SEPTIN9: variants seen among roughly 807,000 people sequenced by gnomAD.
SEPTIN9 encodes septin-9.
A neutral mutation model predicts 56.6 loss-of-function variants in SEPTIN9; 13 were observed. The ratio of observed to expected loss-of-function variants is 0.23; its 90% CI spans 0.15 to 0.37. SEPTIN9 has a LOEUF of 0.37. Among genes scored for constraint, SEPTIN9 ranks in the 10% least tolerant of loss-of-function variants. The pLI, the probability that SEPTIN9 is intolerant of heterozygous loss-of-function variation, is 1.00. For synonymous variants in SEPTIN9, 332 were observed against 334.1 expected, an observed-to-expected ratio of 0.99 and a Z score of 0.07; for missense variants, 650 against 823.1, an observed-to-expected ratio of 0.79 and a Z score of 2.57.
chr17:77,416,753 A>G (rs1191093236), intron 3 of SEPTIN9, among the ~76,000 whole-genome samples: 1 of 152,108 alleles, frequency 6.6e-6, no homozygotes, highest in East Asian at 1.9e-4. Flanking sequence ...CGCCCACTCA[A>G]CGCTGGAACT....
At chr17:77,467,929 C>T (rs899186803) in intron 3 of SEPTIN9, among the ~76,000 whole-genome samples, 1 of 152,096 alleles carries the variant, frequency 6.6e-6, no homozygotes, top group Non-Finnish European at 1.5e-5. Flanking sequence ...GTAGTGAATG[C>T]GACAGACCCC....
In SEPTIN9 at chr17:77,492,411, C is replaced by T. The variant is rs557012345; in HGVS notation, c.1381-210C>T. On this transcript the variant is annotated intron_variant, in intron 8 of 11. Coordinates refer to ENST00000427177, the MANE Select transcript of SEPTIN9 (RefSeq NM_001113491.2). This position sits in a 1 kb window ranked among gnomAD's most constrained non-coding sequence, Gnocchi z 5.4. Reference sequence around the variant, plus strand: ...ACCTTAAGCCCCTGGGGAGTTGCAGCGTCGCTCAGGACAGCAGGTGCACCT... The same window carrying T: ...ACCTTAAGCCCCTGGGGAGTTGCAGTGTCGCTCAGGACAGCAGGTGCACCT... Among the ~76,000 whole-genome samples, 85 of 152,156 alleles carry T rather than the reference C, an allele frequency of 5.6e-4. No homozygotes were observed. Among genetic ancestry groups the T allele is most frequent in the Middle Eastern group, 6.8e-3 (2 of 294 alleles).
chr17:77,350,267 C>T (rs1008046805), intron 2 of SEPTIN9, among the ~76,000 whole-genome samples: 43 of 152,200 alleles, frequency 2.8e-4, no homozygotes, highest in Non-Finnish European at 1.9e-4. Flanking sequence ...AGCCCTCCTT[C>T]CTGTGCAGCC....
At chr17:77,300,967 C>T (rs2032025336) in intron 1 of SEPTIN9, among the ~76,000 whole-genome samples, 1 of 129,854 alleles carries the variant, frequency 7.7e-6, no homozygotes, top group Admixed American at 8.1e-5. Flanking sequence ...AGGCTCAAAG[C>T]ATCCCCACCC....
At chr17:77,347,392 A>G (rs933477356) in intron 2 of SEPTIN9, among the ~76,000 whole-genome samples, 5 of 151,938 alleles carry the variant, frequency 3.3e-5, no homozygotes, top group African/African-American at 1.2e-4. Context: ...AAAAAAAAAA[A>G]AGAGTCTCCA....
Position 77,451,108 on chromosome 17 carries a change from G to A in SEPTIN9, c.722-31036G>A, listed in dbSNP as rs1281405354. ...GGGCACCGCCTCTGGCAAGCACAGG[G>A]ACAAGGGCAAGGACGGCATGGCCAG... is the stretch of plus-strand genomic sequence containing the variant. On this transcript the variant is annotated intron_variant, in intron 3 of 11. Coordinates refer to ENST00000427177, the MANE Select transcript of SEPTIN9 (RefSeq NM_001113491.2). This position sits in a 1 kb window ranked among gnomAD's most constrained non-coding sequence, Gnocchi z 4.2. The A allele has an allele frequency of 6.4e-6, 1 of 155,694 alleles. No homozygotes were observed. Among genetic ancestry groups the A allele is most frequent in the Non-Finnish European group, 1.4e-5 (1 of 71,230 alleles). The allele number at this position is 155,694 out of a possible 1,614,324, so 9.6% of individuals were successfully genotyped here. A position where few individuals can be genotyped will look rare whatever the true frequency, so the allele number is the denominator to read the frequency against.
At chr17:77,286,511 C>T (rs1034904879) in intron 1 of SEPTIN9, 16 of 152,414 alleles carry the variant, frequency 1.0e-4, no homozygotes, top group African/African-American at 3.9e-4. Context: ...ACATGGGAGC[C>T]AACCCTCTGC....
chr17:77,355,673 C>G (rs1190959430), intron 2 of SEPTIN9, among the ~76,000 whole-genome samples: 1 of 152,096 alleles, frequency 6.6e-6, no homozygotes, highest in Non-Finnish European at 1.5e-5. Flanking sequence ...CTGAGCAACC[C>G]TCCGCAGAGG....
Position 77,429,622 on chromosome 17 carries a change from G to T in SEPTIN9, c.721+26919G>T, listed in dbSNP as rs2037052568. 6.6e-6 allele frequency among the ~76,000 whole-genome samples: 1 copy of T among 152,194 alleles called. No individual in the cohort carries two copies. The highest frequency in any genetic ancestry group is 1.5e-5 in the Non-Finnish European group (1 of 68,038). ...GGAGGAAGAAGGGCTTAGGGTGCTG[G>T]TGTGGAGTTTGCACAGATGGGGATA... is the stretch of plus-strand genomic sequence containing the variant. On this transcript the variant is annotated intron_variant, in intron 3 of 11. Transcript: ENST00000427177. This position sits in a 1 kb window ranked among gnomAD's most constrained non-coding sequence, Gnocchi z 5.2.
At chr17:77,316,851 C>T (rs1040288597) in intron 2 of SEPTIN9, among the ~76,000 whole-genome samples, 4 of 152,134 alleles carry the variant, frequency 2.6e-5, no homozygotes, top group Non-Finnish European at 5.9e-5. Flanking sequence ...AGATTACAGG[C>T]ACGTGCCACC....
rs140228800 is a variant in SEPTIN9, at chr17:77,443,793, G to A, written c.722-38351G>A. Among the ~76,000 whole-genome samples the A allele has an allele frequency of 2.4e-3, 367 of 151,582 alleles. 2 individuals are homozygous for A. Among genetic ancestry groups the A allele is most frequent in the African/African-American group, 8.2e-3 (340 of 41,306 alleles). The stretch of plus-strand genomic sequence containing the variant: ...AGCCTGGGCAACAGAGCCAGACTCC[G>A]TCTCAAAAAAAAAGAAAAAAAAGAA... On this transcript the variant is annotated intron_variant, in intron 3 of 11. Coordinates refer to ENST00000427177, the MANE Select transcript of SEPTIN9 (RefSeq NM_001113491.2).
Position 77,411,775 on chromosome 17 carries a change from T to C in SEPTIN9, c.721+9072T>C, listed in dbSNP as rs1027737560. On this transcript the variant is annotated intron_variant, in intron 3 of 11. Transcript: ENST00000427177. ...CAACAGATGTTCTCGCACTTGTACA[T>C]GTGCACACATGACTGAAGGATGAGC... Among the ~76,000 whole-genome samples the C allele has an allele frequency of 2.0e-5, 3 of 152,206 alleles. 1 individual carries two copies. Among genetic ancestry groups the C allele is most frequent in the Admixed American group, 6.5e-5 (1 of 15,272 alleles).
rs574360726 is a variant in SEPTIN9 at position 77,442,506 on chromosome 17, T to TAA, written c.722-39617_722-39616dup. Among the ~76,000 whole-genome samples the TAA allele has an allele frequency of 8.5e-3, 780 of 91,290 alleles. 7 individuals carry two copies. The highest frequency in any genetic ancestry group is 0.012 in the Non-Finnish European group (531 of 45,736). The allele number at this position is 91,290 out of a possible 152,430, so 59.9% of individuals were successfully genotyped here. A position where few individuals can be genotyped will look rare whatever the true frequency, so the allele number is the denominator to read the frequency against. On this transcript the variant is annotated intron_variant, in intron 3 of 11. Transcript: ENST00000427177. ...GCCACTGCACCCAGCCAACTAGTCT[T>TAA]AAAAAAAAAAAAAAAAAAAAAAGAA...
At chr17:77,463,356 T>C (rs1330879613) in intron 3 of SEPTIN9, among the ~76,000 whole-genome samples, 1 of 152,152 alleles carries the variant, frequency 6.6e-6, no homozygotes, top group Non-Finnish European at 1.5e-5. Context: ...ATTGCACCCT[T>C]TTCCTGTTTG....
intron 3 of SEPTIN9, among the ~76,000 whole-genome samples, chr17:77,411,103 C>T (rs544010705): frequency 7.4e-5 from 11 of 148,084 alleles, no homozygotes; most frequent in Admixed American, 2.0e-4. Context: ...AAAAAAAAAG[C>T]GATGCCCAGT....
At chr17:77,337,408 T>C (rs570109684) in intron 2 of SEPTIN9, among the ~76,000 whole-genome samples, 1 of 152,274 alleles carries the variant, frequency 6.6e-6, no homozygotes, top group South Asian at 2.1e-4. Flanking sequence ...ATTTGCCCAG[T>C]TTTTAAGGAT....
rs150085343 is a variant in SEPTIN9, at chr17:77,406,866, T to A, written c.721+4163T>A. Among the ~76,000 whole-genome samples, 1,185 of 152,124 alleles carry A rather than the reference T, an allele frequency of 7.8e-3. 7 individuals carry two copies. The highest frequency in any genetic ancestry group is 0.011 in the Non-Finnish European group (753 of 67,986). On this transcript the variant is annotated intron_variant, in intron 3 of 11. Coordinates refer to ENST00000427177, the MANE Select transcript of SEPTIN9 (RefSeq NM_001113491.2). ...TTGTATTTTTAGTAGAGACGGGGTT[T>A]CACCATATAGGCCAGGCTGGTCTCG...
intron 3 of SEPTIN9, among the ~76,000 whole-genome samples, chr17:77,464,583 A>G (rs538974704): frequency 6.6e-5 from 10 of 152,020 alleles, no homozygotes; most frequent in Admixed American, 2.0e-4. Context: ...CCCATAGCCC[A>G]GTCCAGTTGA....
rs756902628 is a variant in SEPTIN9, at chr17:77,369,633, A to C, written c.77-32426A>C. Among the ~76,000 whole-genome samples, 2 of 152,184 alleles carry C rather than the reference A, an allele frequency of 1.3e-5. No homozygotes were observed. The highest frequency in any genetic ancestry group is 2.9e-5 in the Non-Finnish European group (2 of 68,030). On this transcript the variant is annotated intron_variant, in intron 2 of 11. Coordinates refer to ENST00000427177, the MANE Select transcript of SEPTIN9 (RefSeq NM_001113491.2). The surrounding 1 kb of genome is among the most constrained non-coding windows in gnomAD (Gnocchi z 4.9). ...CTACTTTGTGTCAGGCCACGCAGAGATAAGACCATCTGGGCCCTGCCCTTG... is the reference window on the plus strand; with the variant it reads ...CTACTTTGTGTCAGGCCACGCAGAGCTAAGACCATCTGGGCCCTGCCCTTG...
Sources: allele counts gnomAD v4.1 joint callset (sites outside exome capture counted in the v4.1 genomes callset), GRCh38; gene constraint gnomAD v4.1.1; non-coding constraint Gnocchi (gnomAD v3.1); transcripts MANE v1.5; gene names NCBI Gene and HGNC (gene_info 2026-07-23, HGNC 2026-07-21).